Variants in FAP observed in about 807,000 individuals in gnomAD.
The protein encoded by FAP is fibroblast activation protein alpha.
In FAP, 110 loss-of-function variants were observed where a neutral mutation model predicts 126.5. That is an observed-to-expected ratio of 0.87 (90% CI 0.74 to 1.02). FAP has a LOEUF of 1.02. Among genes scored for constraint, FAP ranks in the 50% least tolerant of loss-of-function variants. The probability of loss-of-function intolerance (pLI) is 0.00; values close to 1 mark genes in which losing one functional copy is unlikely to be tolerated. For synonymous variants in FAP, 334 were observed against 297.3 expected (o/e 1.12, Z -1.27); for missense variants, 919 against 909.2 (o/e 1.01, Z -0.14).
At chr2:162,216,719 G>A (rs2106271372) in intron 9 of FAP, among the ~76,000 whole-genome samples, 1 of 152,326 alleles carries the variant, frequency 6.6e-6, no homozygotes, top group South Asian at 2.1e-4. Flanking sequence ...TTCATGAAAT[G>A]TAGGTGCACA....
chr2:162,221,292 C>A (rs1342103634), intron 6 of FAP, among the ~76,000 whole-genome samples: 1 of 152,102 alleles, frequency 6.6e-6, no homozygotes, highest in Admixed American at 6.6e-5. Flanking sequence ...GTAATCCCAG[C>A]ACTTTGGGCG....
At chr2:162,189,242 A>G in intron 18 of FAP, 70 bp from the exon 19 acceptor site, 3 of 863,636 alleles carry the variant, frequency 3.5e-6, no homozygotes, top group Admixed American at 2.3e-5. Flanking sequence ...TGTCTTTAAT[A>G]ACAATATATG....
chr2:162,171,122 T>C (rs1266942377), intron 25 of FAP, 42 bp from the exon 26 acceptor site: 1 of 1,511,324 alleles, frequency 6.6e-7, no homozygotes, highest in East Asian at 2.3e-5. Context: ...CCTGCAGTCA[T>C]CAAATGCATT....
At position 162,175,012 on chromosome 2, in the gene FAP, G is replaced by A. The variant is rs779453636; in HGVS notation, c.1870-46C>T. The A allele has an allele frequency of 1.8e-5, 25 of 1,360,648 alleles. No homozygotes were observed. The South Asian group carries it at 2.2e-4, about 12-fold the overall frequency. 84.3% of individuals were successfully genotyped at this position (1,360,648 alleles called of 1,614,324 possible). On this transcript the variant is annotated intron_variant, in intron 21 of 25. Coordinates refer to ENST00000188790, the MANE Select transcript of FAP (RefSeq NM_004460.5). ...GTCAGACTCAGATTTACTTTCATAA[G>A]CTTTCCTCCATATGTTTATAGCAAC... is the stretch of plus-strand genomic sequence containing the variant.
intron 21 of FAP, among the ~76,000 whole-genome samples, chr2:162,177,041 A>G (rs1381285551): frequency 6.6e-6 from 1 of 150,614 alleles, no homozygotes; most frequent in Non-Finnish European, 1.5e-5. Flanking sequence ...TGTAGAAATG[A>G]AGAGGGGGAA....
At chr2:162,218,619 G>C (rs1427349852) in intron 8 of FAP, among the ~76,000 whole-genome samples, 1 of 151,448 alleles carries the variant, frequency 6.6e-6, no homozygotes, top group East Asian at 1.9e-4. Context: ...ATAGAGACTA[G>C]AAGTCTCTTT....
chr2:162,215,863 G>A, intron 10 of FAP, 35 bp downstream of exon 10: 1 of 1,455,338 alleles, frequency 6.9e-7, no homozygotes, highest in Non-Finnish European at 9.7e-7. Context: ...CTAGAATATA[G>A]GATAGAAAGA....
chr2:162,217,307 T>C (rs1348498761), intron 9 of FAP, among the ~76,000 whole-genome samples: 1 of 152,184 alleles, frequency 6.6e-6, no homozygotes, highest in Admixed American at 6.5e-5. Context: ...AAGAGGTAAA[T>C]TTGTACTTTG....
intron 2 of FAP, among the ~76,000 whole-genome samples, chr2:162,227,179 A>G (rs945774383): frequency 1.3e-5 from 2 of 152,166 alleles, no homozygotes; most frequent in African/African-American, 4.8e-5. Context: ...GAAAGACATT[A>G]TGAATGTAGG....
At position 162,175,914 on chromosome 2, in the gene FAP, A is replaced by T. The variant is rs575208166; in HGVS notation, c.1870-948T>A. 4 of 152,276 alleles carry T rather than the reference A, an allele frequency of 2.6e-5. No individual in the cohort carries two copies. In the South Asian group the frequency reaches 8.3e-4, roughly 32 times the overall value. The allele number at this position is 152,276 out of a possible 1,614,324, so 9.4% of individuals were successfully genotyped here. A position where few individuals can be genotyped will look rare whatever the true frequency, so the allele number is the denominator to read the frequency against. On this transcript the variant is annotated intron_variant, in intron 21 of 25. Transcript: ENST00000188790. ...CGTGGACTAAGCAGTTGTCTGGGACATGGACCAAAAAAAAATGTGTGCACT... is the reference window on the plus strand; with the variant it reads ...CGTGGACTAAGCAGTTGTCTGGGACTTGGACCAAAAAAAAATGTGTGCACT...
chr2:162,208,704 G>A (rs1688804652), intron 12 of FAP, among the ~76,000 whole-genome samples: 1 of 152,018 alleles, frequency 6.6e-6, no homozygotes, highest in Non-Finnish European at 1.5e-5. Context: ...TCTGAAAGGT[G>A]AGATTCAGAT....
chr2:162,184,644 A>C (rs1052071394), intron 20 of FAP, among the ~76,000 whole-genome samples: 2 of 152,206 alleles, frequency 1.3e-5, no homozygotes, highest in Non-Finnish European at 2.9e-5. Context: ...TAGCAAATGG[A>C]AAGTTGCTAC....
intron 20 of FAP, among the ~76,000 whole-genome samples, chr2:162,183,802 T>C (rs917605431): frequency 6.6e-6 from 1 of 152,134 alleles, no homozygotes; most frequent in Non-Finnish European, 1.5e-5. Flanking sequence ...GCAGCAGCAT[T>C]GAGCAGGACC....
rs560857782 is a variant in FAP at position 162,230,906 on chromosome 2, A to G, written c.92-4285T>C. ...TGCCTATAGGAATCATTCCTTGACT[A>G]CAAACTCACGGTAGGTGGGTGAGGC... On this transcript the variant is annotated intron_variant, in intron 2 of 25. Transcript: ENST00000188790. Among the ~76,000 whole-genome samples the G allele has an allele frequency of 5.9e-5, 9 of 152,310 alleles. 1 individual carries two copies. The East Asian group carries it at 1.7e-3, about 29-fold the overall frequency.
At chr2:162,221,562 C>A in intron 6 of FAP, 1 of 388,622 alleles carries the variant, frequency 2.6e-6, no homozygotes, top group Non-Finnish European at 5.1e-6. Context: ...ACCTGGTTCA[C>A]AATTTGTTCT....
At position 162,194,593 on chromosome 2, in the gene FAP, G is replaced by A. The variant is rs534248385; in HGVS notation, c.1450+108C>T. The stretch of plus-strand genomic sequence containing the variant: ...AGTGATGTGATAACAGGATTCCATC[G>A]CAGTTCCCCTTGGTGGTGTGGAGAA... On this transcript the variant is annotated intron_variant, in intron 17 of 25. Coordinates refer to ENST00000188790, the MANE Select transcript of FAP (RefSeq NM_004460.5). 1.5e-5 allele frequency: 14 copies of A among 904,814 alleles called. 1 individual carries two copies. Among genetic ancestry groups the A allele is most frequent in the South Asian group, 5.6e-5 (4 of 71,538 alleles). The allele number at this position is 904,814 out of a possible 1,614,324, so 56.0% of individuals were successfully genotyped here.
At chr2:162,238,338 G>T (rs925436461) in intron 2 of FAP, among the ~76,000 whole-genome samples, 5 of 152,142 alleles carry the variant, frequency 3.3e-5, no homozygotes, top group Admixed American at 2.0e-4. Flanking sequence ...TCTATGACTG[G>T]ATGTTCTCGT....
At chr2:162,207,275 C>T (rs1015757090) in intron 12 of FAP, among the ~76,000 whole-genome samples, 4 of 152,154 alleles carry the variant, frequency 2.6e-5, no homozygotes, top group Non-Finnish European at 4.4e-5. Flanking sequence ...CCATTTAAAG[C>T]AGGTGCCTTG....
rs767642585 is a variant in FAP, at chr2:162,198,747, C to T, written c.1402+10G>A. On this transcript the variant is annotated intron_variant, in intron 16 of 25. Transcript: ENST00000188790. ...GGGGATGCTGTGCTTATGTGAGGTC[C>T]GTTACCTACCGTAGCAGACAAGTGC... 1.1e-5 allele frequency: 18 copies of T among 1,613,708 alleles called. No individual in the cohort carries two copies. The highest frequency in any genetic ancestry group is 9.3e-5 in the African/African-American group (7 of 74,900).
Sources: allele counts gnomAD v4.1 joint callset (sites outside exome capture counted in the v4.1 genomes callset), GRCh38; gene constraint gnomAD v4.1.1; transcripts MANE v1.5; gene names NCBI Gene and HGNC (gene_info 2026-07-23, HGNC 2026-07-21).